The following KIF26B variants were observed in gnomAD, a reference collection of about 807,000 sequenced individuals.
KIF26B encodes the protein kinesin-like protein KIF26B.
A neutral mutation model predicts 151.2 loss-of-function variants in KIF26B; 63 were observed. The ratio of observed to expected loss-of-function variants is 0.42; its 90% CI spans 0.34 to 0.51. The LOEUF (loss-of-function observed/expected upper bound fraction) is 0.51, where lower values mean the gene tolerates loss of function less well. KIF26B is among the 20% of genes least tolerant of loss of function. KIF26B has a pLI of 0.07. For synonymous variants in KIF26B, 1,357 were observed against 1,262.1 expected (o/e 1.08, Z -1.59); for missense variants, 2,813 against 2,913.6 (o/e 0.97, Z 0.79).
intron 6 of KIF26B, among the ~76,000 whole-genome samples, chr1:245,603,130 G>T (rs1006259178): frequency 1.1e-4 from 16 of 142,388 alleles, no homozygotes; most frequent in African/African-American, 3.3e-4. Flanking sequence ...CTCCTGCCTG[G>T]GCATTGTACG....
intron 5 of KIF26B, among the ~76,000 whole-genome samples, chr1:245,569,854 G>T (rs2043047982): frequency 1.3e-5 from 1 of 75,962 alleles, no homozygotes; most frequent in Non-Finnish European, 2.3e-5. Context: ...GTTGTTCTTT[G>T]GGCCTTCTTT....
intron 4 of KIF26B, among the ~76,000 whole-genome samples, chr1:245,511,594 T>G (rs12143947): frequency 0.32 from 49,252 of 152,076 alleles, 8,896 homozygotes; most frequent in Middle Eastern, 0.43. Flanking sequence ...TTTTGTTTGT[T>G]TGTTTGTTTG....
At chr1:245,432,822 CAAG>C (rs1658813074) in intron 4 of KIF26B, among the ~76,000 whole-genome samples, 1 of 152,086 alleles carries the variant, frequency 6.6e-6, no homozygotes, top group Non-Finnish European at 1.5e-5. Flanking sequence ...GTTGAGGGTA[CAAG>C]AAGGAGGAAT....
At chr1:245,636,308 T>C (rs1444936705) in intron 9 of KIF26B, among the ~76,000 whole-genome samples, 1 of 152,016 alleles carries the variant, frequency 6.6e-6, no homozygotes, top group East Asian at 1.9e-4. Context: ...AATTTTTTTA[T>C]TATGACCTCT....
intron 12 of KIF26B, among the ~76,000 whole-genome samples, chr1:245,690,745 G>GAT (rs368783334): frequency 6.6e-6 from 1 of 150,888 alleles, no homozygotes; most frequent in Non-Finnish European, 1.5e-5. Context: ...TTGCCTGGGG[G>GAT]GGGGGTATGC....
chr1:245,598,754 T>A (rs1452509630), intron 5 of KIF26B, among the ~76,000 whole-genome samples: 1 of 152,112 alleles, frequency 6.6e-6, no homozygotes, highest in African/African-American at 2.4e-5. Flanking sequence ...GAGCAGGACA[T>A]AAAGACAACT....
chr1:245,311,260 ATC>A (rs1280529552), intron 2 of KIF26B, among the ~76,000 whole-genome samples: 1 of 152,144 alleles, frequency 6.6e-6, no homozygotes, highest in Non-Finnish European at 1.5e-5. Flanking sequence ...AGTGGCCACT[ATC>A]TCTGCATTGT....
chr1:245,565,776 A>G (rs868563069), intron 5 of KIF26B, among the ~76,000 whole-genome samples: 1 of 152,302 alleles, frequency 6.6e-6, no homozygotes, highest in Middle Eastern at 3.4e-3. Context: ...ATGTTAGTCC[A>G]TTTTGCATTA....
chr1:245,546,326 C>T (rs1428331952), intron 5 of KIF26B, among the ~76,000 whole-genome samples: 1 of 152,108 alleles, frequency 6.6e-6, no homozygotes, highest in Middle Eastern at 3.2e-3. Flanking sequence ...AAGTGATTCT[C>T]CTGCCTCAGC....
chr1:245,550,472 T>C (rs1715782), intron 5 of KIF26B, among the ~76,000 whole-genome samples: 122,771 of 152,246 alleles, frequency 0.81, 49,769 homozygotes, highest in African/African-American at 0.88. Context: ...AGCACCCTGC[T>C]GTAAACGCTC....
chr1:245,684,327 T>C lies in KIF26B; in HGVS notation c.2353T>C (p.Tyr785His). ...IAHISAAVGS[Y>H]AETLSTIQIA... Reference sequence around the variant, plus strand: ...GCACATCTCGGCCGCGGTCGGGAGCTACGCGGAGACCCTGTCCACCATCCA... The same window carrying C: ...GCACATCTCGGCCGCGGTCGGGAGCCACGCGGAGACCCTGTCCACCATCCA... Residue 785 changes from tyrosine (Y) to histidine (H), a missense_variant, in exon 11 of 15, where the codon TAC (tyrosine) becomes CAC (histidine). Transcript: ENST00000407071. 1.2e-6 allele frequency: 2 copies of C among 1,613,720 alleles called. No individual in the cohort carries two copies. Among genetic ancestry groups the C allele is most frequent in the Non-Finnish European group, 1.7e-6 (2 of 1,179,836 alleles).
At chr1:245,695,436 G>A (rs1215649667) in intron 12 of KIF26B, among the ~76,000 whole-genome samples, 2 of 152,158 alleles carry the variant, frequency 1.3e-5, no homozygotes, top group Non-Finnish European at 2.9e-5. Context: ...CGCGGGGAGA[G>A]GGAGCCTCAG....
intron 2 of KIF26B, among the ~76,000 whole-genome samples, chr1:245,165,060 G>A (rs1247290546): frequency 1.1e-5 from 1 of 92,994 alleles, no homozygotes; most frequent in Non-Finnish European, 2.4e-5. Flanking sequence ...GACGGTGCGA[G>A]ACTCCATCTT....
intron 2 of KIF26B, among the ~76,000 whole-genome samples, chr1:245,341,820 G>A (rs752833632): frequency 3.3e-5 from 5 of 152,174 alleles, no homozygotes; most frequent in Non-Finnish European, 7.3e-5. Context: ...GTCACCAGTT[G>A]GGGCAGAGCT....
intron 2 of KIF26B, among the ~76,000 whole-genome samples, chr1:245,359,012 G>A (rs143472438): frequency 6.6e-6 from 1 of 152,012 alleles, no homozygotes; most frequent in African/African-American, 2.4e-5. Context: ...GTGAAATCAG[G>A]TTTCTCTCTC....
chr1:245,529,590 T>C (rs1360325664), intron 4 of KIF26B, among the ~76,000 whole-genome samples: 1 of 152,250 alleles, frequency 6.6e-6, no homozygotes, highest in Non-Finnish European at 1.5e-5. Flanking sequence ...TTCTGCTTTA[T>C]TTTTGTGTAC....
chr1:245,470,095 C>G (rs941054150), intron 4 of KIF26B, among the ~76,000 whole-genome samples: 1 of 152,050 alleles, frequency 6.6e-6, no homozygotes, highest in Non-Finnish European at 1.5e-5. Context: ...TTCCGAGCCA[C>G]ACACACTGAT....
intron 5 of KIF26B, among the ~76,000 whole-genome samples, chr1:245,598,548 A>G (rs1191223256): frequency 6.6e-6 from 1 of 152,198 alleles, no homozygotes; most frequent in Non-Finnish European, 1.5e-5. Flanking sequence ...GATCACGTGT[A>G]GTGGTCACGG....
intron 2 of KIF26B, among the ~76,000 whole-genome samples, chr1:245,230,058 G>C (rs1453059039): frequency 6.6e-6 from 1 of 151,954 alleles, no homozygotes; most frequent in Non-Finnish European, 1.5e-5. Context: ...GCTTGAACCC[G>C]GGTGGCGGAG....
Sources: allele counts gnomAD v4.1 joint callset (sites outside exome capture counted in the v4.1 genomes callset), GRCh38; gene constraint gnomAD v4.1.1; transcripts MANE v1.5; gene names NCBI Gene and HGNC (gene_info 2026-07-23, HGNC 2026-07-21).